LHPP: variants seen among roughly 807,000 people sequenced by gnomAD.
LHPP encodes phospholysine phosphohistidine inorganic pyrophosphate phosphatase, also known as hLHPP.
LHPP carries 24 observed loss-of-function variants against 30.3 expected under a neutral mutation model. The ratio of observed to expected loss-of-function variants is 0.79; its 90% confidence interval spans 0.57 to 1.11. The LOEUF (loss-of-function observed/expected upper bound fraction) is 1.11, where lower values mean the gene tolerates loss of function less well. LHPP is among the 50% of genes most tolerant of loss of function. The pLI is 0.00. For missense variants in LHPP, 356 were observed against 367.2 expected (o/e 0.97, Z 0.25); for synonymous variants, 150 against 157.1 (o/e 0.95, Z 0.34).
At chr10:124,571,019 C>T (rs1211977942) in intron 6 of LHPP, among the ~76,000 whole-genome samples, 1 of 152,226 alleles carries the variant, frequency 6.6e-6, no homozygotes, top group Non-Finnish European at 1.5e-5. Flanking sequence ...GAATTAGTCT[C>T]ACAAGATCAG....
intron 5 of LHPP, among the ~76,000 whole-genome samples, chr10:124,514,712 T>A (rs910513804): frequency 6.6e-6 from 1 of 152,204 alleles, no homozygotes. Context: ...GGATCTTGGA[T>A]CTGTGGATTT....
chr10:124,571,685 G>GT (rs35969782), intron 6 of LHPP, among the ~76,000 whole-genome samples: 44,969 of 151,978 alleles, frequency 0.3, 6,788 homozygotes, highest in South Asian at 0.4. Context: ...GACTTTTTGT[G>GT]TTTTTTTGCT....
At chr10:124,499,600 G>A (rs973961699) in intron 5 of LHPP, among the ~76,000 whole-genome samples, 3 of 151,978 alleles carry the variant, frequency 2.0e-5, no homozygotes, top group African/African-American at 7.3e-5. Context: ...AAGTTGCAGC[G>A]AGCCGAGATC....
chr10:124,484,726 A>G (rs1953266812), intron 2 of LHPP, among the ~76,000 whole-genome samples: 1 of 151,932 alleles, frequency 6.6e-6, no homozygotes, highest in Admixed American at 6.6e-5. Flanking sequence ...ATGAATATAA[A>G]TGAGAAGCTA....
intron 6 of LHPP, among the ~76,000 whole-genome samples, chr10:124,579,021 CCT>C (rs142418695): frequency 0.022 from 3,350 of 152,294 alleles, 121 homozygotes; most frequent in African/African-American, 0.075. Flanking sequence ...GGCACACTCC[CCT>C]GAGGCTGTTC....
At chr10:124,586,070 C>T (rs761810507) in intron 6 of LHPP, among the ~76,000 whole-genome samples, 10 of 115,174 alleles carry the variant, frequency 8.7e-5, no homozygotes, top group Admixed American at 4.9e-4. Context: ...AGGCGTGAGC[C>T]ACACTACACC....
intron 6 of LHPP, among the ~76,000 whole-genome samples, chr10:124,528,665 A>T (rs1395536681): frequency 1.3e-5 from 2 of 152,094 alleles, no homozygotes; most frequent in East Asian, 3.9e-4. Flanking sequence ...GGCCTTCCCC[A>T]CTGCCTTTAA....
rs570418200 is a variant in LHPP, at chr10:124,523,673, C to G, written c.716+6402C>G. On this transcript the variant is annotated intron_variant, in intron 6 of 6. Transcript: ENST00000368842. The surrounding 1 kb of genome is among the most constrained non-coding windows in gnomAD (Gnocchi z 4.2). ...AGCAGGGGGGTCCAGGCTGTGGTGG[C>G]CCTGGTCAGCCTTCCAGGAGTCAGG... 6.6e-5 allele frequency among the ~76,000 whole-genome samples: 10 copies of G among 152,296 alleles called. No individual in the cohort carries two copies. The South Asian group carries it at 1.7e-3, about 25-fold the overall frequency.
chr10:124,469,179 A>G (rs1049014158), intron 1 of LHPP, among the ~76,000 whole-genome samples: 9 of 152,034 alleles, frequency 5.9e-5, no homozygotes, highest in Non-Finnish European at 2.9e-5. Context: ...CCGCAGAGGG[A>G]AAAGTGTGAT....
chr10:124,530,704 C>T (rs1954878163), intron 6 of LHPP, among the ~76,000 whole-genome samples: 1 of 152,218 alleles, frequency 6.6e-6, no homozygotes, highest in African/African-American at 2.4e-5. Flanking sequence ...CCAAGAACCA[C>T]GGGCTTGCTT....
In LHPP at chr10:124,543,606, C is replaced by T. The variant is rs577188424; in HGVS notation, c.716+26335C>T. ...GGAGTTCAGCTGCCCATGGTGGCGG[C>T]GGCTGGGCTGTATCTTGCACTTCTC... On this transcript the variant is annotated intron_variant, in intron 6 of 6. Coordinates refer to ENST00000368842, the MANE Select transcript of LHPP (RefSeq NM_022126.4). Among the ~76,000 whole-genome samples the T allele has an allele frequency of 2.6e-5, 4 of 152,298 alleles. No individual in the cohort carries two copies. In the South Asian group the frequency reaches 6.2e-4, roughly 24 times the overall value.
chr10:124,502,590 C>T (rs557489095), intron 5 of LHPP, among the ~76,000 whole-genome samples: 7 of 150,548 alleles, frequency 4.6e-5, no homozygotes, highest in Admixed American at 4.0e-4. Flanking sequence ...AGGATGGTCT[C>T]GATCTCCTGA....
At chr10:124,500,653 A>G (rs918090438) in intron 5 of LHPP, among the ~76,000 whole-genome samples, 5 of 151,914 alleles carry the variant, frequency 3.3e-5, no homozygotes, top group Admixed American at 6.5e-5. Flanking sequence ...AAAGATACTC[A>G]ATATCATCAT....
intron 6 of LHPP, among the ~76,000 whole-genome samples, chr10:124,611,738 A>T (rs1431047312): frequency 6.6e-6 from 1 of 152,128 alleles, no homozygotes; most frequent in Non-Finnish European, 1.5e-5. Flanking sequence ...CATGACAGTC[A>T]TTTTAGGGTC....
At chr10:124,594,434 G>C (rs1948918256) in intron 6 of LHPP, among the ~76,000 whole-genome samples, 3 of 151,052 alleles carry the variant, frequency 2.0e-5, no homozygotes, top group Non-Finnish European at 4.4e-5. Context: ...TTTCCTGCCA[G>C]CCCCCTTCTG....
intron 4 of LHPP, among the ~76,000 whole-genome samples, chr10:124,497,692 G>C (rs1037354887): frequency 2.6e-5 from 4 of 152,320 alleles, no homozygotes; most frequent in African/African-American, 9.6e-5. Context: ...GGGGAGAAGA[G>C]GGGGAGAAGG....
intron 2 of LHPP, among the ~76,000 whole-genome samples, chr10:124,488,136 C>T (rs1002261734): frequency 2.6e-5 from 4 of 152,094 alleles, no homozygotes; most frequent in South Asian, 4.2e-4. Flanking sequence ...TTCCTGCCTG[C>T]GATAGTGACC....
At chr10:124,607,715 G>A (rs1204161747) in intron 6 of LHPP, among the ~76,000 whole-genome samples, 1 of 152,182 alleles carries the variant, frequency 6.6e-6, no homozygotes, top group African/African-American at 2.4e-5. Context: ...GATGAATCAT[G>A]GGCGGTGTTT....
intron 6 of LHPP, among the ~76,000 whole-genome samples, chr10:124,575,382 TG>T (rs1250022730): frequency 6.6e-6 from 1 of 152,130 alleles, no homozygotes; most frequent in Non-Finnish European, 1.5e-5. Flanking sequence ...AGGGCTTCAG[TG>T]GGGGCGGAGG....
Sources: gnomAD v4.1 joint callset for allele counts (sites outside exome capture counted in the v4.1 genomes callset) on GRCh38, gnomAD v4.1.1 for gene constraint, Gnocchi (gnomAD v3.1) non-coding constraint, MANE v1.5 for transcripts, NCBI Gene and HGNC (gene_info 2026-07-23, HGNC 2026-07-21) for gene names.